Variants in WDR36 observed in about 807,000 individuals in gnomAD.
WDR36 encodes WD repeat-containing protein 36.
A neutral mutation model predicts 112.7 loss-of-function variants in WDR36; 63 were observed. The observed-to-expected ratio is 0.56, with a 90% CI of 0.46 to 0.69. WDR36 has a LOEUF of 0.69. Among genes scored for constraint, WDR36 ranks in the 30% least tolerant of loss-of-function variants. The probability of loss-of-function intolerance (pLI) is 0.00; values close to 1 mark genes in which losing one functional copy is unlikely to be tolerated. For synonymous variants in WDR36, 410 were observed against 362.2 expected (o/e 1.13, Z -1.50); for missense variants, 1,226 against 1,070.3 (o/e 1.15, Z -2.03).
intron 21 of WDR36, 37 bp downstream of exon 21, chr5:111,124,226 T>G (rs1317334916): frequency 1.3e-6 from 2 of 1,519,174 alleles, no homozygotes; most frequent in African/African-American, 2.8e-5. Flanking sequence ...CTAATATATT[T>G]AGCTTATTTT....
At chr5:111,115,582 G>GA (rs919537243) in intron 16 of WDR36, among the ~76,000 whole-genome samples, 37 of 146,616 alleles carry the variant, frequency 2.5e-4, no homozygotes, top group South Asian at 8.7e-4. Flanking sequence ...GATTTGCTTG[G>GA]AAAAAAAAAA....
Position 111,128,818 on chromosome 5 carries a change from C to T in WDR36, c.*1935C>T. On this transcript the variant is annotated 3_prime_UTR_variant, in exon 23 of 23. Coordinates refer to ENST00000513710, the MANE Select transcript of WDR36 (RefSeq NM_139281.3). ...CTTAAAATATATCAATCTGTGCACA[C>T]TCTTTCAGTTTTTTAATTACTCATG... 1 of 184,852 alleles carries T rather than the reference C, an allele frequency of 5.4e-6. No individual in the cohort carries two copies. Among genetic ancestry groups the T allele is most frequent in the Non-Finnish European group, 1.1e-5 (1 of 87,122 alleles). 11.5% of individuals were successfully genotyped at this position (184,852 alleles called of 1,614,324 possible).
intron 8 of WDR36, 143 bp from the exon 9 acceptor site, chr5:111,104,554 T>A (rs1753186647): frequency 2.2e-6 from 3 of 1,388,784 alleles, no homozygotes; most frequent in Non-Finnish European, 3.1e-6. Flanking sequence ...TCTCCCCCAA[T>A]ACCCACTCCC....
At chr5:111,097,497 T>C (rs1460860218) in intron 3 of WDR36, among the ~76,000 whole-genome samples, 2 of 152,222 alleles carry the variant, frequency 1.3e-5, no homozygotes, top group African/African-American at 4.8e-5. Context: ...ACATAATGTG[T>C]ATTATTAAGT....
Position 111,104,169 on chromosome 5 carries a change from A to G in WDR36, c.731-8A>G. On this transcript the variant is annotated splice_polypyrimidine_tract_variant and splice_region_variant and intron_variant, in intron 7 of 22. Coordinates refer to ENST00000513710, the MANE Select transcript of WDR36 (RefSeq NM_139281.3). ...TATTTTTCTTAATGTATTTTATTTT[A>G]ATAACAGATGGTCATCCAGTAATGG... is the stretch of plus-strand genomic sequence containing the variant. 6.2e-7 allele frequency: 1 copy of G among 1,608,358 alleles called. No homozygotes were observed. Among genetic ancestry groups the G allele is most frequent in the Non-Finnish European group, 8.5e-7 (1 of 1,176,138 alleles).
rs1470759188 is a variant in WDR36, at chr5:111,092,368, A to G, written c.-89A>G. On this transcript the variant is annotated 5_prime_UTR_variant, in exon 1 of 23. Transcript: ENST00000513710. ...GCGGTGTTGTGTCTGCAGCTCTGGCAGAGGACTGTTCCACTAGACACGCTG... is the reference window on the plus strand; with the variant it reads ...GCGGTGTTGTGTCTGCAGCTCTGGCGGAGGACTGTTCCACTAGACACGCTG... The G allele has an allele frequency of 1.7e-5, 27 of 1,614,244 alleles. No individual in the cohort carries two copies. Among genetic ancestry groups the G allele is most frequent in the African/African-American group, 2.7e-5 (2 of 75,064 alleles).
intron 4 of WDR36, among the ~76,000 whole-genome samples, chr5:111,099,454 T>G (rs1409784443): frequency 3.1e-3 from 199 of 64,360 alleles, no homozygotes; most frequent in African/African-American, 0.016. Flanking sequence ...TTTTTTTGTT[T>G]TTTTTTTTGT....
intron 13 of WDR36, 75 bp from the exon 14 acceptor site, chr5:111,110,713 A>T (rs1431939273): frequency 3.4e-6 from 5 of 1,469,352 alleles, no homozygotes; most frequent in Non-Finnish European, 3.8e-6. Flanking sequence ...TGAATGAAGG[A>T]ATCACTGTGT....
Position 111,125,599 on chromosome 5 carries a change from T to A in WDR36, c.2351-9T>A. 6.2e-7 allele frequency: 1 copy of A among 1,611,780 alleles called. No homozygotes were observed. On this transcript the variant is annotated splice_polypyrimidine_tract_variant and intron_variant, in intron 21 of 22. Coordinates refer to ENST00000513710, the MANE Select transcript of WDR36 (RefSeq NM_139281.3). ...AATCAAGTCATAACTGGATTAAAAT[T>A]TAATGCAGATGACACTGCTCTCAAC...
Position 111,113,498 on chromosome 5 carries a change from T to C in WDR36, c.1796+345T>C, listed in dbSNP as rs557010142. 6.6e-5 allele frequency among the ~76,000 whole-genome samples: 10 copies of C among 152,274 alleles called. No homozygotes were observed. In the South Asian group the frequency reaches 2.1e-3, roughly 32 times the overall value. Reference sequence around the variant, plus strand: ...AAGGATGGCAAACTTTTGAGTTTTTTTAGTTCATGCTGAATTTAGTTAAAA... The same window carrying C: ...AAGGATGGCAAACTTTTGAGTTTTTCTAGTTCATGCTGAATTTAGTTAAAA... On this transcript the variant is annotated intron_variant, in intron 16 of 22. Transcript: ENST00000513710.
At chr5:111,120,627 G>A in intron 18 of WDR36, 34 bp downstream of exon 18, 1 of 1,535,178 alleles carries the variant, frequency 6.5e-7, no homozygotes, top group Non-Finnish European at 9.0e-7. Flanking sequence ...TTTTTGAGGT[G>A]TAATATTATA....
In WDR36 at chr5:111,094,937, G is replaced by C; in HGVS notation, c.180G>C (p.Leu60=). 1 of 1,606,380 alleles carries C rather than the reference G, an allele frequency of 6.2e-7. No homozygotes were observed. Among genetic ancestry groups the C allele is most frequent in the Non-Finnish European group, 8.5e-7 (1 of 1,175,362 alleles). The change falls in exon 2 of 23, where the codon CTG becomes CTC. Residue 60 remains leucine, a synonymous_variant. Transcript: ENST00000513710. ...FHTYDVQKLS[L]VAVSNSVPQD... is the part of the protein sequence containing the mutation. ...TTAAACAGGTTCAGAAACTTAGTCT[G>C]GTTGCAGTAAGTAAGTATGGACTTT...
intron 11 of WDR36, among the ~76,000 whole-genome samples, chr5:111,106,723 T>A (rs2112574566): frequency 6.6e-6 from 1 of 151,500 alleles, no homozygotes; most frequent in East Asian, 1.9e-4. Flanking sequence ...CTGCTTAAAA[T>A]TTTTTAGTGG....
At chr5:111,124,655 A>C (rs1441643668) in intron 21 of WDR36, among the ~76,000 whole-genome samples, 1 of 152,188 alleles carries the variant, frequency 6.6e-6, no homozygotes, top group Non-Finnish European at 1.5e-5. Flanking sequence ...GTGTTCATAT[A>C]TTTAAATTTC....
Position 111,111,188 on chromosome 5 carries a change from C to G in WDR36, c.1626C>G (p.Ala542=), listed in dbSNP as rs1481755237. 3 of 1,611,678 alleles carry G rather than the reference C, an allele frequency of 1.9e-6. No individual in the cohort carries two copies. The highest frequency in any genetic ancestry group is 2.5e-6 in the Non-Finnish European group (3 of 1,178,306). The change falls in exon 15 of 23, where the codon GCC becomes GCG. Residue 542 remains alanine (A), a synonymous_variant. Coordinates refer to ENST00000513710, the MANE Select transcript of WDR36 (RefSeq NM_139281.3). ...LHRDSGILGL[A]LDDFSISVLD... is the part of the protein sequence containing the mutation. ...TTGCTAGTGGCATTCTGGGACTCGC[C>G]TTGGATGACTTCTCCATTAGTGTTC...
In WDR36 at chr5:111,110,743, A is replaced by G. The variant is rs1753316175; in HGVS notation, c.1442-45A>G. On this transcript the variant is annotated intron_variant, in intron 13 of 22. Coordinates refer to ENST00000513710, the MANE Select transcript of WDR36 (RefSeq NM_139281.3). ...CTGTGTGTATTGTTCAGAGAGAAAC[A>G]CTGCCAATTCTGATTTTTTTTTTCT... 2.5e-6 allele frequency: 4 copies of G among 1,585,964 alleles called. No homozygotes were observed. The South Asian group carries it at 3.4e-5, about 13-fold the overall frequency.
intron 4 of WDR36, 91 bp downstream of exon 4, chr5:111,098,930 T>C: frequency 1.0e-6 from 1 of 969,542 alleles, no homozygotes; most frequent in Non-Finnish European, 1.6e-6. Flanking sequence ...GCCAGAGATT[T>C]TGCCTGTAAA....
At chr5:111,094,616 A>G (rs888482175) in intron 1 of WDR36, among the ~76,000 whole-genome samples, 7 of 152,314 alleles carry the variant, frequency 4.6e-5, no homozygotes, top group South Asian at 4.1e-4. Flanking sequence ...GGCTGTTTTC[A>G]TGCTACGGTG....
intron 16 of WDR36, among the ~76,000 whole-genome samples, chr5:111,118,233 T>G (rs1014970835): frequency 6.6e-6 from 1 of 152,206 alleles, no homozygotes; most frequent in Non-Finnish European, 1.5e-5. Context: ...GTATTTTCCC[T>G]TGCCTTATCC....
Sources: gnomAD v4.1 joint callset for allele counts (sites outside exome capture counted in the v4.1 genomes callset) on GRCh38, gnomAD v4.1.1 for gene constraint, MANE v1.5 for transcripts, NCBI Gene and HGNC (gene_info 2026-07-23, HGNC 2026-07-21) for gene names.